Variants in SDK1 observed in about 807,000 individuals in gnomAD.
SDK1 encodes sidekick cell adhesion molecule 1.
Under a neutral mutation model 245.5 loss-of-function variants are expected in SDK1, and 157 were observed. That is an observed-to-expected ratio of 0.64 (90% CI 0.56 to 0.73). The LOEUF is 0.73. SDK1 is among the 30% of genes least tolerant of loss of function. SDK1 has a pLI of 0.00. For synonymous variants in SDK1, 1,647 were observed against 1,278.5 expected (o/e 1.29, Z -6.15); for missense variants, 3,583 against 3,002.3 (o/e 1.19, Z -4.52).
chr7:4,127,239 T>C, intron 25 of SDK1, 142 bp from the exon 26 acceptor site: 1 of 673,880 alleles, frequency 1.5e-6, no homozygotes, highest in East Asian at 2.5e-5. Context: ...GTTATACTCC[T>C]GTAGGTTTAA....
At chr7:3,725,141 A>C (rs1562398675) in intron 4 of SDK1, among the ~76,000 whole-genome samples, 1 of 152,204 alleles carries the variant, frequency 6.6e-6, no homozygotes, top group African/African-American at 2.4e-5. Flanking sequence ...TAACTTTCTG[A>C]ATAGAGTTCA....
intron 35 of SDK1, 63 bp from the exon 36 acceptor site, chr7:4,205,816 G>T: frequency 7.5e-7 from 1 of 1,331,380 alleles, no homozygotes; most frequent in Non-Finnish European, 1.1e-6. Flanking sequence ...GGGCATGTGG[G>T]CGAGGGTCCG....
intron 1 of SDK1, among the ~76,000 whole-genome samples, chr7:3,587,330 TA>T (rs1780723776): frequency 6.6e-6 from 1 of 150,490 alleles, no homozygotes; most frequent in African/African-American, 2.5e-5. Flanking sequence ...TGTGTGTGTC[TA>T]AAGAGATTTA....
chr7:3,706,446 G>T (rs773450330), intron 4 of SDK1, among the ~76,000 whole-genome samples: 17 of 152,116 alleles, frequency 1.1e-4, no homozygotes, highest in Non-Finnish European at 1.9e-4. Flanking sequence ...CTGTCACCCA[G>T]GCTGGAGTGC....
At chr7:3,884,858 G>C (rs1583511793) in intron 5 of SDK1, among the ~76,000 whole-genome samples, 2 of 152,354 alleles carry the variant, frequency 1.3e-5, no homozygotes, top group East Asian at 3.9e-4. Flanking sequence ...AGCTGATGGG[G>C]CCTTCTCTGC....
intron 1 of SDK1, among the ~76,000 whole-genome samples, chr7:3,598,252 C>G (rs887457590): frequency 1.3e-5 from 2 of 152,050 alleles, no homozygotes; most frequent in African/African-American, 2.4e-5. Flanking sequence ...TTCCATTTGT[C>G]TTTTCTATCA....
intron 4 of SDK1, among the ~76,000 whole-genome samples, chr7:3,705,685 C>G (rs1784867714): frequency 6.6e-6 from 1 of 151,808 alleles, no homozygotes; most frequent in African/African-American, 2.4e-5. Context: ...AGTTATGTGA[C>G]CATGGCATTG....
chr7:3,779,472 C>G (rs964100517), intron 4 of SDK1, among the ~76,000 whole-genome samples: 1 of 149,862 alleles, frequency 6.7e-6, no homozygotes, highest in African/African-American at 2.4e-5. Flanking sequence ...AAAAAAAAAA[C>G]AAGGACAAAT....
At chr7:3,433,449 T>C (rs1468384024) in intron 1 of SDK1, among the ~76,000 whole-genome samples, 1 of 152,142 alleles carries the variant, frequency 6.6e-6, no homozygotes, top group Non-Finnish European at 1.5e-5. Flanking sequence ...GTAAGGAAGG[T>C]TCCTGGATTA....
chr7:3,606,852 A>G (rs1332552495), intron 1 of SDK1, among the ~76,000 whole-genome samples: 4 of 152,182 alleles, frequency 2.6e-5, no homozygotes, highest in African/African-American at 4.8e-5. Context: ...CTGAAAAAAA[A>G]AATCTGTGAA....
intron 4 of SDK1, among the ~76,000 whole-genome samples, chr7:3,758,042 T>C (rs889466141): frequency 1.3e-5 from 2 of 152,198 alleles, no homozygotes; most frequent in Non-Finnish European, 2.9e-5. Context: ...TTTCTCATTA[T>C]ACCACAGTTC....
chr7:4,012,549 C>CTTTTT (rs777199429), intron 16 of SDK1, among the ~76,000 whole-genome samples: 349 of 25,980 alleles, frequency 0.013, 94 homozygotes, highest in Non-Finnish European at 0.025. Flanking sequence ...CAATGTGAAG[C>CTTTTT]TTTTTTTTTT....
chr7:4,265,610 T>C lies in SDK1; in HGVS notation c.*226T>C. 7.5e-7 allele frequency: 1 copy of C among 1,337,076 alleles called. No individual in the cohort carries two copies. Among genetic ancestry groups the C allele is most frequent in the Non-Finnish European group, 9.5e-7 (1 of 1,053,268 alleles). The allele number at this position is 1,337,076 out of a possible 1,614,324, so 82.8% of individuals were successfully genotyped here. Reference sequence around the variant, plus strand: ...AGGAAGCAGGTTTGTTTCTTTTTCTTTTCTTTTTAAGAGAAGGTGTATTTC... The same window carrying C: ...AGGAAGCAGGTTTGTTTCTTTTTCTCTTCTTTTTAAGAGAAGGTGTATTTC... On this transcript the variant is annotated 3_prime_UTR_variant, in exon 45 of 45. Transcript: ENST00000404826.
chr7:3,710,603 G>C (rs970151703), intron 4 of SDK1, among the ~76,000 whole-genome samples: 1 of 152,192 alleles, frequency 6.6e-6, no homozygotes, highest in South Asian at 2.1e-4. Flanking sequence ...TGCTAAAACA[G>C]AACGGTGAAA....
intron 38 of SDK1, among the ~76,000 whole-genome samples, chr7:4,217,470 G>A (rs1218371565): frequency 1.8e-4 from 20 of 108,968 alleles, no homozygotes; most frequent in African/African-American, 6.9e-4. Context: ...CACACCACCC[G>A]GAGCACCAGG....
chr7:3,528,109 G>T (rs185256380), intron 1 of SDK1, among the ~76,000 whole-genome samples: 155 of 146,786 alleles, frequency 1.1e-3, no homozygotes, highest in Non-Finnish European at 1.5e-3. Context: ...AGGAGGTAAG[G>T]TTGGATCATA....
chr7:3,622,538 C>CA (rs1781974241), intron 2 of SDK1, among the ~76,000 whole-genome samples: 1 of 152,062 alleles, frequency 6.6e-6, no homozygotes, highest in South Asian at 2.1e-4. Context: ...CCAAAGTGTA[C>CA]AAAAAACTGT....
chr7:3,708,835 G>A (rs1784956123), intron 4 of SDK1, among the ~76,000 whole-genome samples: 1 of 152,212 alleles, frequency 6.6e-6, no homozygotes, highest in Non-Finnish European at 1.5e-5. Context: ...TATTTGGTTT[G>A]TATTTTCTAT....
At chr7:3,557,236 T>C (rs1301432461) in intron 1 of SDK1, among the ~76,000 whole-genome samples, 6 of 152,024 alleles carry the variant, frequency 3.9e-5, no homozygotes, top group Admixed American at 3.9e-4. Flanking sequence ...AGGACACAAA[T>C]CTGTAATATC....
Sources: allele counts gnomAD v4.1 joint callset (sites outside exome capture counted in the v4.1 genomes callset), GRCh38; gene constraint gnomAD v4.1.1; transcripts MANE v1.5; gene names NCBI Gene and HGNC (gene_info 2026-07-23, HGNC 2026-07-21).